The following KLHL24 variants were observed in gnomAD, a reference collection of about 807,000 sequenced individuals.
The protein encoded by KLHL24 is kelch like family member 24.
A neutral mutation model predicts 53.4 loss-of-function variants in KLHL24; 29 were observed. That is an observed-to-expected ratio of 0.54 (90% CI 0.40 to 0.74). The LOEUF (loss-of-function observed/expected upper bound fraction) is 0.74, where lower values mean the gene tolerates loss of function less well. KLHL24 is among the 30% of genes least tolerant of loss of function. The pLI is 0.00. For synonymous variants in KLHL24, 222 were observed against 253.7 expected (o/e 0.88, Z 1.19); for missense variants, 504 against 744.0 (o/e 0.68, Z 3.75).
intron 1 of KLHL24, chr3:183,636,709 C>T (rs541840013): frequency 6.6e-6 from 1 of 152,362 alleles, no homozygotes; most frequent in East Asian, 1.9e-4. Flanking sequence ...ACTAGGTGGG[C>T]CTGCCCTGGG....
chr3:183,638,812 A>G (rs1344700461), intron 1 of KLHL24, among the ~76,000 whole-genome samples: 1 of 152,230 alleles, frequency 6.6e-6, no homozygotes, highest in African/African-American at 2.4e-5. Flanking sequence ...ACTTCTTTAA[A>G]TTGAAGAGTT....
rs1712449026 is a variant in KLHL24, at chr3:183,679,363, A to G, written c.*77A>G. ...AAAAACTCTACAGTGGGAACTTCAC[A>G]TATCTCCTTTGTGCCATATGCAAAA... On this transcript the variant is annotated 3_prime_UTR_variant, in exon 8 of 8. Coordinates refer to ENST00000242810, the MANE Select transcript of KLHL24 (RefSeq NM_017644.3). The G allele has an allele frequency of 9.6e-7, 1 of 1,041,640 alleles. No individual in the cohort carries two copies. The highest frequency in any genetic ancestry group is 1.5e-6 in the Non-Finnish European group (1 of 684,760). 64.5% of individuals were successfully genotyped at this position (1,041,640 alleles called of 1,614,324 possible). A position where few individuals can be genotyped will look rare whatever the true frequency, so the allele number is the denominator to read the frequency against.
At chr3:183,649,325 C>A (rs956609335) in intron 2 of KLHL24, among the ~76,000 whole-genome samples, 1 of 152,134 alleles carries the variant, frequency 6.6e-6, no homozygotes, top group South Asian at 2.1e-4. Context: ...TACTACTTCC[C>A]CATGTCGTTA....
At chr3:183,642,602 C>CAAAAAA (rs377410456) in intron 1 of KLHL24, among the ~76,000 whole-genome samples, 25 of 92,972 alleles carry the variant, frequency 2.7e-4, no homozygotes, top group Admixed American at 6.7e-4. Flanking sequence ...CCCCTTCCAC[C>CAAAAAA]AAAAAAAAAA....
intron 5 of KLHL24, among the ~76,000 whole-genome samples, chr3:183,667,042 A>G (rs2108857789): frequency 6.6e-6 from 1 of 152,340 alleles, no homozygotes; most frequent in South Asian, 2.1e-4. Context: ...GCTCTAGCTG[A>G]AACAGAAATG....
In KLHL24 at chr3:183,650,545, C is replaced by T. The variant is rs1165552495; in HGVS notation, c.189C>T (p.Arg63=). Residue 63 remains arginine, a synonymous_variant, in exon 3 of 8, where the codon CGC becomes CGT. Coordinates refer to ENST00000242810, the MANE Select transcript of KLHL24 (RefSeq NM_017644.3). The surrounding 1 kb of genome is among the most constrained non-coding windows in gnomAD (Gnocchi z 4.5). ...LQIFNEFRDS[R]LFTDVIICVE... is the part of the protein sequence containing the mutation. ...TATTTAATGAATTTCGTGATAGCCG[C>T]TTATTCACAGATGTTATCATTTGTG... 1.2e-6 allele frequency: 2 copies of T among 1,613,998 alleles called. No individual in the cohort carries two copies. The highest frequency in any genetic ancestry group is 2.7e-5 in the African/African-American group (2 of 74,912).
chr3:183,684,067 C>T lies in KLHL24; in HGVS notation c.*4781C>T, dbSNP rs993938197. 6.6e-6 allele frequency: 1 copy of T among 152,368 alleles called. No individual in the cohort carries two copies. The highest frequency in any genetic ancestry group is 1.9e-4 in the East Asian group (1 of 5,196). 9.4% of individuals were successfully genotyped at this position (152,368 alleles called of 1,614,324 possible). Reference sequence around the variant, plus strand: ...GTAAATTCATTTGCAGTATCTACATCGAATGTCAAAAAAGTATACTTATTT... The same window carrying T: ...GTAAATTCATTTGCAGTATCTACATTGAATGTCAAAAAAGTATACTTATTT... On this transcript the variant is annotated 3_prime_UTR_variant, in exon 8 of 8. Coordinates refer to ENST00000242810, the MANE Select transcript of KLHL24 (RefSeq NM_017644.3).
In KLHL24 at chr3:183,683,735, T is replaced by G. The variant is rs969817735; in HGVS notation, c.*4449T>G. Reference sequence around the variant, plus strand: ...CAAAGAAAAGAATTTGTTTTAATGGTTTCAAAATAACTGCACCTGAATTTG... The same window carrying G: ...CAAAGAAAAGAATTTGTTTTAATGGGTTCAAAATAACTGCACCTGAATTTG... On this transcript the variant is annotated 3_prime_UTR_variant, in exon 8 of 8. Transcript: ENST00000242810. 7 of 152,656 alleles carry G rather than the reference T, an allele frequency of 4.6e-5. No homozygotes were observed. The highest frequency in any genetic ancestry group is 1.7e-4 in the African/African-American group (7 of 41,462). The allele number at this position is 152,656 out of a possible 1,614,324, so 9.5% of individuals were successfully genotyped here.
chr3:183,646,111 T>G (rs1717193721), intron 2 of KLHL24, among the ~76,000 whole-genome samples: 1 of 151,828 alleles, frequency 6.6e-6, no homozygotes, highest in Admixed American at 6.6e-5. Flanking sequence ...ATGCCTGTAA[T>G]CCCAGCACTC....
intron 3 of KLHL24, among the ~76,000 whole-genome samples, chr3:183,653,252 A>T (rs969769729): frequency 6.6e-6 from 1 of 151,752 alleles, no homozygotes; most frequent in South Asian, 2.1e-4. Flanking sequence ...TGTGGGCATT[A>T]CATGAGTAAT....
At chr3:183,645,425 GCATTGTAAATGGAGTTGTA>G (rs1717080802) in intron 2 of KLHL24, among the ~76,000 whole-genome samples, 2 of 152,202 alleles carry the variant, frequency 1.3e-5, no homozygotes, top group Non-Finnish European at 2.9e-5. Context: ...GTCATTCTAT[GCATTGTAAATGGAGTTGTA>G]AATGTTAAGC....
intron 5 of KLHL24, among the ~76,000 whole-genome samples, chr3:183,666,505 G>C (rs1042611046): frequency 3.9e-5 from 6 of 151,924 alleles, no homozygotes; most frequent in Admixed American, 6.6e-5. Flanking sequence ...CAAATGATCT[G>C]CCTGCCTCAG....
intron 3 of KLHL24, among the ~76,000 whole-genome samples, chr3:183,652,951 A>G (rs956140210): frequency 2.0e-5 from 3 of 152,220 alleles, no homozygotes; most frequent in African/African-American, 7.2e-5. Flanking sequence ...TAAAATCAAA[A>G]TAAGACATTG....
chr3:183,637,431 T>C (rs1390601066), intron 1 of KLHL24, among the ~76,000 whole-genome samples: 1 of 152,246 alleles, frequency 6.6e-6, no homozygotes, highest in African/African-American at 2.4e-5. Flanking sequence ...TATGTTTTAA[T>C]TCCCGTGGTA....
In KLHL24 at chr3:183,679,429, A is replaced by G. The variant is rs1712455987; in HGVS notation, c.*143A>G. 6.4e-6 allele frequency: 4 copies of G among 629,636 alleles called. No homozygotes were observed. In the Middle Eastern group the frequency reaches 1.1e-3, roughly 174 times the overall value. 39.0% of individuals were successfully genotyped at this position (629,636 alleles called of 1,614,324 possible). On this transcript the variant is annotated 3_prime_UTR_variant, in exon 8 of 8. Transcript: ENST00000242810. The stretch of plus-strand genomic sequence containing the variant: ...AATTTGGTGCCTTTCTCCTCAAAAT[A>G]TCAATCTTTCAAACTATAATAAAGC...
intron 7 of KLHL24, chr3:183,673,080 C>T (rs1287839606): frequency 6.6e-6 from 1 of 151,934 alleles, no homozygotes; most frequent in African/African-American, 2.4e-5. Flanking sequence ...TGGCACACGC[C>T]TGTAATCCCA....
At chr3:183,657,525 A>T (rs956431697) in intron 3 of KLHL24, among the ~76,000 whole-genome samples, 1 of 152,224 alleles carries the variant, frequency 6.6e-6, no homozygotes, top group Non-Finnish European at 1.5e-5. Flanking sequence ...GGAGTTCTAA[A>T]TATATTTTTC....
rs1375657274 is a variant in KLHL24, at chr3:183,681,744, A to T, written c.*2458A>T. On this transcript the variant is annotated 3_prime_UTR_variant, in exon 8 of 8. Coordinates refer to ENST00000242810, the MANE Select transcript of KLHL24 (RefSeq NM_017644.3). ...AATTCTTGATAAATAATAGCATTAG[A>T]CTTGATAAAATAAAAAAGAATTTTA... 1 of 152,444 alleles carries T rather than the reference A, an allele frequency of 6.6e-6. No individual in the cohort carries two copies. Among genetic ancestry groups the T allele is most frequent in the Non-Finnish European group, 1.5e-5 (1 of 67,914 alleles). 9.4% of individuals were successfully genotyped at this position (152,444 alleles called of 1,614,324 possible).
intron 5 of KLHL24, among the ~76,000 whole-genome samples, chr3:183,667,183 G>T (rs1312012649): frequency 6.6e-6 from 1 of 152,172 alleles, no homozygotes; most frequent in Middle Eastern, 3.2e-3. Flanking sequence ...ACTTTGGGAG[G>T]CCAAGGTAGG....
Sources: allele counts gnomAD v4.1 joint callset (sites outside exome capture counted in the v4.1 genomes callset), GRCh38; gene constraint gnomAD v4.1.1; non-coding constraint Gnocchi (gnomAD v3.1); transcripts MANE v1.5; gene names NCBI Gene and HGNC (gene_info 2026-07-23, HGNC 2026-07-21).